The following TXNRD3 variants were observed in gnomAD, a reference collection of about 807,000 sequenced individuals.
The protein encoded by TXNRD3 is TXNRD3 neighbor gene protein.
TXNRD3 carries 68 observed loss-of-function variants against 78.2 expected under a neutral mutation model. The ratio of observed to expected loss-of-function variants is 0.87; its 90% CI spans 0.72 to 1.06. The LOEUF (loss-of-function observed/expected upper bound fraction) is 1.06, where lower values mean the gene tolerates loss of function less well. Among genes scored for constraint, TXNRD3 ranks in the 50% least tolerant of loss-of-function variants. The pLI is 0.00. For synonymous variants in TXNRD3, 296 were observed against 300.1 expected, an observed-to-expected ratio of 0.99 and a Z score of 0.14; for missense variants, 751 against 809.5, an observed-to-expected ratio of 0.93 and a Z score of 0.88.
At chr3:126,610,997 TA>T in intron 14 of TXNRD3, 39 bp downstream of exon 14, 1 of 1,218,976 alleles carries the variant, frequency 8.2e-7, no homozygotes, top group Non-Finnish European at 1.1e-6. Flanking sequence ...AAGCTACATT[TA>T]AAAATCACAG....
intron 13 of TXNRD3, among the ~76,000 whole-genome samples, chr3:126,614,830 C>T (rs1363103070): frequency 6.6e-6 from 1 of 152,144 alleles, no homozygotes; most frequent in Non-Finnish European, 1.5e-5. Context: ...CTCCCTCTCC[C>T]TCCTAGTTGG....
chr3:126,614,681 T>C (rs909664042), intron 13 of TXNRD3, among the ~76,000 whole-genome samples: 1 of 152,228 alleles, frequency 6.6e-6, no homozygotes, highest in Non-Finnish European at 1.5e-5. Flanking sequence ...TTAGGCCATT[T>C]AACTAGGGAA....
intron 13 of TXNRD3, among the ~76,000 whole-genome samples, chr3:126,614,675 G>T (rs1938271725): frequency 6.6e-6 from 1 of 152,066 alleles, no homozygotes; most frequent in South Asian, 2.1e-4. Context: ...AAATCCTTAG[G>T]CCATTTAACT....
At chr3:126,630,142 T>C (rs1369246626) in intron 9 of TXNRD3, among the ~76,000 whole-genome samples, 1 of 152,224 alleles carries the variant, frequency 6.6e-6, no homozygotes, top group Non-Finnish European at 1.5e-5. Context: ...TTCAAATGAA[T>C]GGCCAGTTTC....
chr3:126,641,652 T>C (rs1316107665), intron 6 of TXNRD3, among the ~76,000 whole-genome samples: 1 of 152,276 alleles, frequency 6.6e-6, no homozygotes, highest in African/African-American at 2.4e-5. Context: ...TGAATTTCTT[T>C]TCCACTTTTC....
At chr3:126,641,410 C>T (rs1170036476) in intron 6 of TXNRD3, among the ~76,000 whole-genome samples, 1 of 152,120 alleles carries the variant, frequency 6.6e-6, no homozygotes, top group Non-Finnish European at 1.5e-5. Flanking sequence ...GGTCCTACTC[C>T]TCTGTGACCT....
intron 1 of TXNRD3, among the ~76,000 whole-genome samples, chr3:126,654,420 C>A (rs376459070): frequency 1.3e-5 from 2 of 152,172 alleles, no homozygotes; most frequent in Admixed American, 6.5e-5. Context: ...TAGTCCGCCC[C>A]GAAAAGTTAA....
In TXNRD3 at chr3:126,630,765, A is replaced by G. The variant is rs1476231448; in HGVS notation, c.1144T>C (p.Ser382Pro). Residue 382 changes from serine to proline, a missense_variant, in exon 9 of 16, where the codon TCC (serine) becomes CCC (proline). Ser to Pro is a moderately conservative substitution (Grantham distance 74). Coordinates refer to ENST00000524230, the MANE Select transcript of TXNRD3 (RefSeq NM_052883.3). The stretch of plus-strand genomic sequence containing the variant: ...TTCACACCATGCTGCTCCATGTAGG[A>G]ACCCACTTTTTCTGCCATTTCTTGG... The G allele has an allele frequency of 6.5e-7, 1 of 1,534,630 alleles. No homozygotes were observed.
chr3:126,618,325 T>G (rs1443402680), intron 12 of TXNRD3, among the ~76,000 whole-genome samples: 1 of 152,094 alleles, frequency 6.6e-6, no homozygotes, highest in Non-Finnish European at 1.5e-5. Context: ...CAAAATATAC[T>G]ACAAGTTATA....
Position 126,655,040 on chromosome 3 carries a change from G to T in TXNRD3, c.-50C>A. 1 of 1,288,980 alleles carries T rather than the reference G, an allele frequency of 7.8e-7. No homozygotes were observed. The highest frequency in any genetic ancestry group is 9.8e-7 in the Non-Finnish European group (1 of 1,019,244). The allele number at this position is 1,288,980 out of a possible 1,614,324, so 79.8% of individuals were successfully genotyped here. On this transcript the variant is annotated 5_prime_UTR_variant, in exon 1 of 16. Transcript: ENST00000524230. ...GCCGGGCCTGCTCACAAACCGAAACGCAGGCGGCTGCGGCGCCGGGACGGG... is the reference window on the plus strand; with the variant it reads ...GCCGGGCCTGCTCACAAACCGAAACTCAGGCGGCTGCGGCGCCGGGACGGG...
At chr3:126,624,920 G>T (rs1180652763) in intron 10 of TXNRD3, 2 of 210,500 alleles carry the variant, frequency 9.5e-6, no homozygotes, top group Non-Finnish European at 2.1e-5. Context: ...GAGCCAGGTT[G>T]TATGTTGGAT....
intron 1 of TXNRD3, among the ~76,000 whole-genome samples, chr3:126,648,322 A>G (rs73859565): frequency 0.034 from 5,173 of 151,974 alleles, 294 homozygotes; most frequent in African/African-American, 0.12. Flanking sequence ...GATTTAATGC[A>G]ATCCTTTTCA....
chr3:126,647,782 C>A (rs1933277294), intron 1 of TXNRD3, among the ~76,000 whole-genome samples: 1 of 152,128 alleles, frequency 6.6e-6, no homozygotes, highest in Non-Finnish European at 1.5e-5. Context: ...CTGCAGTGAG[C>A]CATGATCACA....
At position 126,637,932 on chromosome 3, in the gene TXNRD3, C is replaced by CTCTTTTTTTTTTTT. The variant is rs1444254294; in HGVS notation, c.713-3882_713-3881insAAAAAAAAAAAAGA. On this transcript the variant is annotated intron_variant, in intron 6 of 15. Transcript: ENST00000524230. ...CTTATTTTAACCTATATTTCTCTCT[C>CTCTTTTTTTTTTTT]TTTTTTTTTTTTTTTTTTTTTTTTT... Among the ~76,000 whole-genome samples the CTCTTTTTTTTTTTT allele has an allele frequency of 3.7e-4, 22 of 60,236 alleles. 4 individuals are homozygous for CTCTTTTTTTTTTTT. Among genetic ancestry groups the CTCTTTTTTTTTTTT allele is most frequent in the East Asian group, 1.4e-3 (2 of 1,448 alleles). 39.5% of individuals were successfully genotyped at this position (60,236 alleles called of 152,430 possible).
In TXNRD3 at chr3:126,653,421, G is replaced by A. The variant is rs1260003527; in HGVS notation, c.243+1327C>T. On this transcript the variant is annotated intron_variant, in intron 1 of 15. Transcript: ENST00000524230. ...AAGGCCTGAAAAAAATGAAAAACACGCTATATAATTTCACAGAAGAGGAAG... is the reference window on the plus strand; with the variant it reads ...AAGGCCTGAAAAAAATGAAAAACACACTATATAATTTCACAGAAGAGGAAG... Among the ~76,000 whole-genome samples the A allele has an allele frequency of 3.9e-5, 6 of 152,276 alleles. 1 individual carries two copies. The South Asian group carries it at 8.3e-4, about 21-fold the overall frequency.
Position 126,640,094 on chromosome 3 carries a change from CTTTTTTTTTTTT to C in TXNRD3, c.712+1926_712+1937del, listed in dbSNP as rs747114940. On this transcript the variant is annotated intron_variant, in intron 6 of 15. Transcript: ENST00000524230. ...AATAAACCAAAGCTGCTTGTGTTTT[CTTTTTTTTTTTT>C]TTTTTTTTTTTTTTTTGAGACGGAG... Among the ~76,000 whole-genome samples, 2 of 14,320 alleles carry C rather than the reference CTTTTTTTTTTTT, an allele frequency of 1.4e-4. 1 individual carries two copies. The highest frequency in any genetic ancestry group is 4.2e-4 in the Non-Finnish European group (2 of 4,720). 9.4% of individuals were successfully genotyped at this position (14,320 alleles called of 152,430 possible). A position where few individuals can be genotyped will look rare whatever the true frequency, so the allele number is the denominator to read the frequency against.
intron 6 of TXNRD3, among the ~76,000 whole-genome samples, chr3:126,634,983 C>T (rs1212614225): frequency 3.9e-5 from 6 of 152,152 alleles, no homozygotes; most frequent in African/African-American, 1.4e-4. Context: ...TTCTATGATG[C>T]CAATGTACCA....
At chr3:126,630,976 A>T (rs779811050) in intron 8 of TXNRD3, 39 bp from the exon 9 acceptor site, 1 of 1,512,354 alleles carries the variant, frequency 6.6e-7, no homozygotes, top group South Asian at 1.2e-5. Context: ...CCTAGGCAGC[A>T]AGAATGAAAT....
chr3:126,638,234 C>G (rs1050997321), intron 6 of TXNRD3, among the ~76,000 whole-genome samples: 1 of 152,202 alleles, frequency 6.6e-6, no homozygotes, highest in African/African-American at 2.4e-5. Flanking sequence ...TGAGCCACCA[C>G]GTCCAGCCTA....
Sources: allele counts gnomAD v4.1 joint callset (sites outside exome capture counted in the v4.1 genomes callset), GRCh38; gene constraint gnomAD v4.1.1; transcripts MANE v1.5; gene names NCBI Gene and HGNC (gene_info 2026-07-23, HGNC 2026-07-21).